Variants in DDIT4L observed in about 807,000 individuals in gnomAD.
The protein encoded by DDIT4L is DNA damage inducible transcript 4 like, also known as DNA damage-inducible transcript 4-like protein.
DDIT4L carries 13 observed loss-of-function variants against 15.9 expected under a neutral mutation model. The ratio of observed to expected loss-of-function variants is 0.82; its 90% CI spans 0.53 to 1.30. The LOEUF (loss-of-function observed/expected upper bound fraction) is 1.30, where lower values mean the gene tolerates loss of function less well. Among genes scored for constraint, DDIT4L ranks in the 50% most tolerant of loss-of-function variants. The pLI is 0.00. For synonymous variants in DDIT4L, 82 were observed against 85.4 expected, an observed-to-expected ratio of 0.96 and a Z score of 0.22; for missense variants, 235 against 224.8, an observed-to-expected ratio of 1.05 and a Z score of -0.29.
chr4:100,188,257 A>G (rs1377398445), intron 2 of DDIT4L, 90 bp from the exon 3 acceptor site: 2 of 1,331,034 alleles, frequency 1.5e-6, no homozygotes, highest in East Asian at 2.4e-5. Flanking sequence ...GGTTACCTCT[A>G]TCTACCATGT....
Position 100,187,531 on chromosome 4 carries a change from C to T in DDIT4L, c.*146G>A. 1.1e-6 allele frequency: 1 copy of T among 884,526 alleles called. No homozygotes were observed. Among genetic ancestry groups the T allele is most frequent in the Non-Finnish European group, 1.6e-6 (1 of 616,260 alleles). 54.8% of individuals were successfully genotyped at this position (884,526 alleles called of 1,614,324 possible). A position where few individuals can be genotyped will look rare whatever the true frequency, so the allele number is the denominator to read the frequency against. On this transcript the variant is annotated 3_prime_UTR_variant, in exon 3 of 3. Transcript: ENST00000273990. ...AAAATCAGCCTGTTAGCTGCAGTTGCTATGAATGTGAAACACAGAAAGAAA... is the reference window on the plus strand; with the variant it reads ...AAAATCAGCCTGTTAGCTGCAGTTGTTATGAATGTGAAACACAGAAAGAAA...
At chr4:100,189,855 C>G (rs1371528564) in intron 2 of DDIT4L, 38 bp downstream of exon 2, 1 of 1,603,610 alleles carries the variant, frequency 6.2e-7, no homozygotes, top group Non-Finnish European at 8.5e-7. Context: ...AGGCACCGAC[C>G]TTGGGAGGGG....
Position 100,188,137 on chromosome 4 carries a change from T to C in DDIT4L, c.122A>G (p.Glu41Gly), listed in dbSNP as rs747316605. The change falls in exon 3 of 3, where the codon GAA becomes GGA. Residue 41 changes from glutamate (E) to glycine (G), a missense_variant. Coordinates refer to ENST00000273990, the MANE Select transcript of DDIT4L (RefSeq NM_145244.4). ...DFDYWDYVVP[E>G]PNLNEVIFEE... ...AAATATTACCTCGTTGAGGTTGGGTTCAGGAACAACATAATCCCAGTAGTC... is the reference window on the plus strand; with the variant it reads ...AAATATTACCTCGTTGAGGTTGGGTCCAGGAACAACATAATCCCAGTAGTC... The C allele has an allele frequency of 1.9e-6, 3 of 1,611,724 alleles. No individual in the cohort carries two copies. Among genetic ancestry groups the C allele is most frequent in the Non-Finnish European group, 2.5e-6 (3 of 1,179,974 alleles).
chr4:100,190,402 A>C lies in DDIT4L; in HGVS notation c.-149T>G. The C allele has an allele frequency of 3.3e-5, 6 of 183,066 alleles. No individual in the cohort carries two copies. Among genetic ancestry groups the C allele is most frequent in the Non-Finnish European group, 4.5e-5 (4 of 88,134 alleles). The allele number at this position is 183,066 out of a possible 1,614,324, so 11.3% of individuals were successfully genotyped here. ...CTCCTGGGGACTCGGTGACCTGCAG[A>C]CCCCAGCAGCCAGCGGCACCCTGCT... On this transcript the variant is annotated 5_prime_UTR_variant, in exon 1 of 3. Coordinates refer to ENST00000273990, the MANE Select transcript of DDIT4L (RefSeq NM_145244.4).
intron 2 of DDIT4L, among the ~76,000 whole-genome samples, chr4:100,189,425 A>C (rs1475913103): frequency 6.6e-6 from 1 of 152,220 alleles, no homozygotes; most frequent in African/African-American, 2.4e-5. Context: ...GAAAGAAACC[A>C]GACACAAAAG....
intron 1 of DDIT4L, 41 bp from the exon 2 acceptor site, chr4:100,190,073 A>G: frequency 1.5e-6 from 2 of 1,309,212 alleles, no homozygotes; most frequent in Non-Finnish European, 1.1e-6. Context: ...TTGCAAAAGC[A>G]GGCGAGTCGT....
rs375394393 is a variant in DDIT4L, at chr4:100,187,586, G to T, written c.*91C>A. On this transcript the variant is annotated 3_prime_UTR_variant, in exon 3 of 3. Transcript: ENST00000273990. Reference sequence around the variant, plus strand: ...ACTACATTTGGGGTTTCTTATTTAGGGCAGGTGGGGCAAACTACAAATGAC... The same window carrying T: ...ACTACATTTGGGGTTTCTTATTTAGTGCAGGTGGGGCAAACTACAAATGAC... The T allele has an allele frequency of 1.3e-5, 18 of 1,397,448 alleles. No individual in the cohort carries two copies. The East Asian group carries it at 4.1e-4, about 32-fold the overall frequency. 86.6% of individuals were successfully genotyped at this position (1,397,448 alleles called of 1,614,324 possible).
intron 2 of DDIT4L, among the ~76,000 whole-genome samples, chr4:100,188,585 CT>C (rs1204816610): frequency 6.6e-6 from 1 of 152,090 alleles, no homozygotes; most frequent in African/African-American, 2.4e-5. Flanking sequence ...TGCATTACTT[CT>C]GGAATAAAAA....
In DDIT4L at chr4:100,188,109, C is replaced by T. The variant is rs779655036; in HGVS notation, c.150G>A (p.Glu50=). The part of the protein sequence containing the change: ...PEPNLNEVIF[E]ESTCQNLVKM... ...TAACCAAATTCTGGCAAGTTGATTC[C>T]TCAAATATTACCTCGTTGAGGTTGG... The change falls in exon 3 of 3, where the codon GAG becomes GAA. Residue 50 remains glutamate (E), a synonymous_variant. Transcript: ENST00000273990. The T allele has an allele frequency of 1.2e-5, 20 of 1,613,592 alleles. No individual in the cohort carries two copies. The South Asian group carries it at 2.1e-4, about 17-fold the overall frequency.
rs1010538395 is a variant in DDIT4L, at chr4:100,186,658, A to G, written c.*1019T>C. On this transcript the variant is annotated 3_prime_UTR_variant, in exon 3 of 3. Transcript: ENST00000273990. ...AGACTTCGTAAATTGACCCGTTTCA[A>G]TAATTCAAAGTGGTAGTATACAGCT... 6.6e-6 allele frequency: 1 copy of G among 152,208 alleles called. No homozygotes were observed. The highest frequency in any genetic ancestry group is 2.1e-4 in the South Asian group (1 of 4,832). 9.4% of individuals were successfully genotyped at this position (152,208 alleles called of 1,614,324 possible).
In DDIT4L at chr4:100,188,088, C is replaced by T. The variant is rs762737111; in HGVS notation, c.171G>A (p.Leu57=). 5 of 1,613,916 alleles carry T rather than the reference C, an allele frequency of 3.1e-6. No individual in the cohort carries two copies. Among genetic ancestry groups the T allele is most frequent in the Admixed American group, 1.7e-5 (1 of 59,992 alleles). The change falls in exon 3 of 3, where the codon TTG becomes TTA. Residue 57 remains leucine, a synonymous_variant. Transcript: ENST00000273990. ...VIFEESTCQN[L]VKMLENCLSK... is the part of the protein sequence containing the mutation. ...ACAGACAGTTCTCCAGCATTTTAAC[C>T]AAATTCTGGCAAGTTGATTCCTCAA... is the stretch of plus-strand genomic sequence containing the variant.
chr4:100,185,996 G>C lies in DDIT4L; in HGVS notation c.*1681C>G, dbSNP rs936458770. ...AAGCATAACAGGCAAGAGAGTCAAA[G>C]ATAACTGTTAGTGGGAAAAGGACAA... On this transcript the variant is annotated 3_prime_UTR_variant, in exon 3 of 3. Coordinates refer to ENST00000273990, the MANE Select transcript of DDIT4L (RefSeq NM_145244.4). 6.6e-6 allele frequency: 1 copy of C among 152,156 alleles called. No individual in the cohort carries two copies. The highest frequency in any genetic ancestry group is 6.5e-5 in the Admixed American group (1 of 15,278). 9.4% of individuals were successfully genotyped at this position (152,156 alleles called of 1,614,324 possible). A position where few individuals can be genotyped will look rare whatever the true frequency, so the allele number is the denominator to read the frequency against.
rs983054029 is a variant in DDIT4L at position 100,185,891 on chromosome 4, T to A, written c.*1786A>T. The A allele has an allele frequency of 6.6e-6, 1 of 152,240 alleles. No individual in the cohort carries two copies. The highest frequency in any genetic ancestry group is 2.4e-5 in the African/African-American group (1 of 41,462). The allele number at this position is 152,240 out of a possible 1,614,324, so 9.4% of individuals were successfully genotyped here. On this transcript the variant is annotated 3_prime_UTR_variant, in exon 3 of 3. Coordinates refer to ENST00000273990, the MANE Select transcript of DDIT4L (RefSeq NM_145244.4). ...AGAATTAAAAATATATAATGTTTTA[T>A]TGTCAAAAATAGACAAACTTTAATT...
In DDIT4L at chr4:100,188,428, A is replaced by G. The variant is rs533094096; in HGVS notation, c.92-261T>C. Among the ~76,000 whole-genome samples, 323 of 152,304 alleles carry G rather than the reference A, an allele frequency of 2.1e-3. 1 individual carries two copies. The highest frequency in any genetic ancestry group is 2.8e-3 in the Non-Finnish European group (190 of 68,026). ...GATAGGATGTAACCACTTTTCTTTA[A>G]ATTTATGTGTGTACACAAAACACAC... On this transcript the variant is annotated intron_variant, in intron 2 of 2. Coordinates refer to ENST00000273990, the MANE Select transcript of DDIT4L (RefSeq NM_145244.4).
In DDIT4L at chr4:100,187,857, A is replaced by C; in HGVS notation, c.402T>G (p.Phe134Leu). The stretch of plus-strand genomic sequence containing the variant: ...CCTGCTTAAACACAAGTGTAAGCTC[A>C]AAAGTAGGTACGACGCTAGAATCAC... ...IVCDSSVVPT[F>L]ELTLVFKQEN... The change falls in exon 3 of 3, where the codon TTT becomes TTG. Residue 134 changes from phenylalanine (F) to leucine (L), a missense_variant. Physicochemically the swap from Phe to Leu is conservative, Grantham distance 22. Coordinates refer to ENST00000273990, the MANE Select transcript of DDIT4L (RefSeq NM_145244.4). The C allele has an allele frequency of 6.2e-7, 1 of 1,613,552 alleles. No individual in the cohort carries two copies. The highest frequency in any genetic ancestry group is 8.5e-7 in the Non-Finnish European group (1 of 1,179,948).
intron 2 of DDIT4L, among the ~76,000 whole-genome samples, chr4:100,188,832 C>CA: frequency 6.6e-6 from 1 of 152,314 alleles, no homozygotes; most frequent in Admixed American, 6.5e-5. Context: ...CTTTGAGGTT[C>CA]ATGAGGATAT....
chr4:100,187,350 A>G lies in DDIT4L; in HGVS notation c.*327T>C, dbSNP rs1355485618. On this transcript the variant is annotated 3_prime_UTR_variant, in exon 3 of 3. Transcript: ENST00000273990. Reference sequence around the variant, plus strand: ...TAGGCAAATCTGGTTTATATAGTCTATTACCAAGCCTACCTGAAACCAAAT... The same window carrying G: ...TAGGCAAATCTGGTTTATATAGTCTGTTACCAAGCCTACCTGAAACCAAAT... 2 of 206,442 alleles carry G rather than the reference A, an allele frequency of 9.7e-6. No homozygotes were observed. Among genetic ancestry groups the G allele is most frequent in the Admixed American group, 6.1e-5 (1 of 16,342 alleles). 12.8% of individuals were successfully genotyped at this position (206,442 alleles called of 1,614,324 possible).
At position 100,190,012 on chromosome 4, in the gene DDIT4L, C is replaced by A. The variant is rs1241406665; in HGVS notation, c.-29G>T. 8.7e-6 allele frequency: 14 copies of A among 1,605,260 alleles called. No homozygotes were observed. The highest frequency in any genetic ancestry group is 1.0e-5 in the Non-Finnish European group (12 of 1,172,274). On this transcript the variant is annotated 5_prime_UTR_variant, in exon 2 of 3. Transcript: ENST00000273990. ...CAACGGCTCTGTTTCCTTCGCGAGG[C>A]GCAACGGCCTTTCCTGAGCGCTGGA...
rs1238683190 is a variant in DDIT4L, at chr4:100,188,021, C to G, written c.238G>C (p.Val80Leu). ...ATTCTCTGGGTCAGTTTCTCAGGGA[C>G]AAGGACCTTTGAGCAACCAAGTTTA... ...QTKLGCSKVL[V>L]PEKLTQRIAQ... is the part of the protein sequence containing the mutation. Residue 80 changes from valine to leucine, a missense_variant, in exon 3 of 3, where the codon GTC becomes CTC. Coordinates refer to ENST00000273990, the MANE Select transcript of DDIT4L (RefSeq NM_145244.4). The G allele has an allele frequency of 6.2e-7, 1 of 1,614,072 alleles. No individual in the cohort carries two copies. Among genetic ancestry groups the G allele is most frequent in the African/African-American group, 1.3e-5 (1 of 74,936 alleles).
Sources: gnomAD v4.1 joint callset for allele counts (sites outside exome capture counted in the v4.1 genomes callset) on GRCh38, gnomAD v4.1.1 for gene constraint, MANE v1.5 for transcripts, NCBI Gene and HGNC (gene_info 2026-07-23, HGNC 2026-07-21) for gene names.